Variants in NPSR1 observed in about 807,000 individuals in gnomAD.
The protein encoded by NPSR1 is neuropeptide S receptor 1, also known as neuropeptide S receptor.
NPSR1 carries 48 observed loss-of-function variants against 46.9 expected under a neutral mutation model. The observed-to-expected ratio is 1.02, with a 90% confidence interval of 0.81 to 1.30. The LOEUF is 1.30. Among genes scored for constraint, NPSR1 ranks in the 50% most tolerant of loss-of-function variants. NPSR1 has a pLI of 0.00. For synonymous variants in NPSR1, 176 were observed against 168.1 expected (o/e 1.05, Z -0.36); for missense variants, 450 against 449.5 (o/e 1.00, Z -0.01).
chr7:34,793,443 T>C (rs972745813), intron 3 of NPSR1, among the ~76,000 whole-genome samples: 2 of 152,042 alleles, frequency 1.3e-5, no homozygotes, highest in Non-Finnish European at 2.9e-5. Context: ...AAAGAAGACA[T>C]ACAAATGGGC....
intron 1 of NPSR1, among the ~76,000 whole-genome samples, chr7:34,674,019 G>C (rs1379544218): frequency 1.3e-5 from 2 of 152,130 alleles, no homozygotes; most frequent in Non-Finnish European, 2.9e-5. Context: ...CAGGGGAGTG[G>C]AGGAGAGACA....
At chr7:34,807,122 G>A (rs1562743921) in intron 3 of NPSR1, among the ~76,000 whole-genome samples, 1 of 151,960 alleles carries the variant, frequency 6.6e-6, no homozygotes, top group Non-Finnish European at 1.5e-5. Flanking sequence ...TTCTTGACTC[G>A]AGTTAATTAT....
chr7:34,683,238 T>C (rs940917556), intron 1 of NPSR1, among the ~76,000 whole-genome samples: 2 of 151,936 alleles, frequency 1.3e-5, no homozygotes, highest in African/African-American at 2.4e-5. Context: ...GGTCAGGAGA[T>C]TGAGACCATC....
chr7:34,804,279 A>C (rs535820846), intron 3 of NPSR1, among the ~76,000 whole-genome samples: 126 of 152,242 alleles, frequency 8.3e-4, no homozygotes, highest in African/African-American at 3.0e-3. Context: ...TAGCAACTTA[A>C]ATTTTTGTTT....
rs112911836 is a variant in NPSR1 at position 34,717,507 on chromosome 7, G to T, written c.280+32823G>T. ...GCTCCTTTTCTAAAGGGTTAGATGA[G>T]GGGGAAATGTAAGATGGTGGAAGAC... is the stretch of plus-strand genomic sequence containing the variant. On this transcript the variant is annotated intron_variant, in intron 2 of 8. Coordinates refer to ENST00000360581, the MANE Select transcript of NPSR1 (RefSeq NM_207172.2). Among the ~76,000 whole-genome samples, 194 of 152,288 alleles carry T rather than the reference G, an allele frequency of 1.3e-3. 3 individuals carry two copies. The highest frequency in any genetic ancestry group is 4.1e-3 in the African/African-American group (169 of 41,554).
chr7:34,804,520 T>A lies in NPSR1; in HGVS notation c.385-7250T>A, dbSNP rs576090028. Among the ~76,000 whole-genome samples, 8 of 152,118 alleles carry A rather than the reference T, an allele frequency of 5.3e-5. No homozygotes were observed. The South Asian group carries it at 1.7e-3, about 32-fold the overall frequency. On this transcript the variant is annotated intron_variant, in intron 3 of 8. Coordinates refer to ENST00000360581, the MANE Select transcript of NPSR1 (RefSeq NM_207172.2). ...CAGCAAACTGGAAACAAAGAGAAAC[T>A]GCCTCAACTTCATTAACAGCATCTA...
intron 3 of NPSR1, among the ~76,000 whole-genome samples, chr7:34,787,651 C>T (rs1787525463): frequency 6.6e-6 from 1 of 152,000 alleles, no homozygotes; most frequent in Non-Finnish European, 1.5e-5. Context: ...CACTTGAACA[C>T]CTAAAGACAA....
chr7:34,726,545 C>G (rs1054356294), intron 2 of NPSR1, among the ~76,000 whole-genome samples: 1 of 152,138 alleles, frequency 6.6e-6, no homozygotes, highest in Non-Finnish European at 1.5e-5. Context: ...CATGCCCACA[C>G]AAGAATCTGC....
At chr7:34,797,815 T>A (rs1020492801) in intron 3 of NPSR1, among the ~76,000 whole-genome samples, 14 of 152,050 alleles carry the variant, frequency 9.2e-5, no homozygotes, top group African/African-American at 3.4e-4. Flanking sequence ...TAAACAATAA[T>A]AAGAATTTCC....
chr7:34,719,260 T>G (rs1258320653), intron 2 of NPSR1: 1 of 152,320 alleles, frequency 6.6e-6, no homozygotes, highest in African/African-American at 2.4e-5. Flanking sequence ...CCCAAGGGAC[T>G]GCAAATACCC....
At chr7:34,866,522 C>T (rs1373103615) in intron 8 of NPSR1, among the ~76,000 whole-genome samples, 1 of 151,552 alleles carries the variant, frequency 6.6e-6, no homozygotes. Flanking sequence ...TATAATAAGC[C>T]CCTTTTTCCT....
intron 3 of NPSR1, among the ~76,000 whole-genome samples, chr7:34,791,169 ATATATTATATTATATATGT>A (rs1787844799): frequency 1.5e-5 from 1 of 68,662 alleles, no homozygotes; most frequent in African/African-American, 7.2e-5. Context: ...TATATATGTT[ATATATTATATTATATATGT>A]TATATGTTAT....
chr7:34,751,143 A>C, intron 2 of NPSR1: 4 of 909,592 alleles, frequency 4.4e-6, no homozygotes, highest in East Asian at 2.4e-5. Context: ...ACACTGGCTG[A>C]GCAGGGTCCT....
At chr7:34,718,447 T>A (rs1783682469) in intron 2 of NPSR1, among the ~76,000 whole-genome samples, 1 of 152,090 alleles carries the variant, frequency 6.6e-6, no homozygotes, top group Admixed American at 6.6e-5. Flanking sequence ...CCCGAAGGGG[T>A]CCCAGAGACC....
intron 8 of NPSR1, chr7:34,871,463 A>G (rs1791451101): frequency 6.6e-6 from 1 of 151,810 alleles, no homozygotes; most frequent in Admixed American, 6.5e-5. Context: ...GCCCCCAAAT[A>G]TCATGTCCTT....
intron 3 of NPSR1, among the ~76,000 whole-genome samples, chr7:34,809,061 C>A (rs1431694647): frequency 1.3e-5 from 2 of 152,130 alleles, no homozygotes; most frequent in African/African-American, 4.8e-5. Flanking sequence ...AGCCACAGAG[C>A]CCCAAGATCC....
chr7:34,795,800 C>G (rs970928845), intron 3 of NPSR1, among the ~76,000 whole-genome samples: 10 of 152,110 alleles, frequency 6.6e-5, no homozygotes, highest in African/African-American at 1.7e-4. Flanking sequence ...TAGGAAGATT[C>G]AATATTGTCA....
intron 3 of NPSR1, among the ~76,000 whole-genome samples, chr7:34,794,160 C>A (rs1584039090): frequency 1.3e-5 from 2 of 152,054 alleles, no homozygotes; most frequent in African/African-American, 4.8e-5. Flanking sequence ...TATTGCACAT[C>A]AGGGTGAATA....
Position 34,849,823 on chromosome 7 carries a change from T to C in NPSR1, c.*168T>C. 7.1e-7 allele frequency: 1 copy of C among 1,399,522 alleles called. No homozygotes were observed. The highest frequency in any genetic ancestry group is 9.3e-7 in the Non-Finnish European group (1 of 1,076,442). The allele number at this position is 1,399,522 out of a possible 1,614,324, so 86.7% of individuals were successfully genotyped here. Reference sequence around the variant, plus strand: ...ATGACTGCATGCACTGCTTAAGTATTGGCCAACACGAACTCCCCAGTTATT... The same window carrying C: ...ATGACTGCATGCACTGCTTAAGTATCGGCCAACACGAACTCCCCAGTTATT... On this transcript the variant is annotated 3_prime_UTR_variant, in exon 9 of 9. Transcript: ENST00000360581.
Sources: allele counts gnomAD v4.1 joint callset (sites outside exome capture counted in the v4.1 genomes callset), GRCh38; gene constraint gnomAD v4.1.1; transcripts MANE v1.5; gene names NCBI Gene and HGNC (gene_info 2026-07-23, HGNC 2026-07-21).